The following UNC13A variants were observed in gnomAD, a reference collection of about 807,000 sequenced individuals.
The protein encoded by UNC13A is protein unc-13 homolog A.
In UNC13A, 61 loss-of-function variants were observed where a neutral mutation model predicts 219.7. The ratio of observed to expected loss-of-function variants is 0.28; its 90% CI spans 0.23 to 0.34. UNC13A has a LOEUF of 0.34. Ranked by LOEUF, UNC13A falls within the 10% of genes least tolerant of loss-of-function variation. The pLI, the probability that UNC13A is intolerant of heterozygous loss-of-function variation, is 1.00. For missense variants in UNC13A, 1,476 were observed against 2,270.3 expected (o/e 0.65, Z 7.11); for synonymous variants, 920 against 884.6 (o/e 1.04, Z -0.71).
At chr19:17,660,583 G>A (rs34290165) in intron 8 of UNC13A, among the ~76,000 whole-genome samples, 3,947 of 149,872 alleles carry the variant, frequency 0.026, 67 homozygotes, top group Middle Eastern at 0.041. Context: ...CCAGGCTGGA[G>A]TGCAATGGTA....
chr19:17,661,621 G>C (rs1384144645), intron 8 of UNC13A, among the ~76,000 whole-genome samples: 1 of 152,080 alleles, frequency 6.6e-6, no homozygotes, highest in Admixed American at 6.6e-5. Context: ...TTGAACCCGG[G>C]AGGTGGAGGT....
intron 16 of UNC13A, 66 bp downstream of exon 16, chr19:17,648,365 C>T (rs922612766): frequency 7.1e-7 from 1 of 1,409,110 alleles, no homozygotes; most frequent in African/African-American, 1.5e-5. Context: ...TCAGCCTTTC[C>T]CCGCCATGCA....
intron 1 of UNC13A, among the ~76,000 whole-genome samples, chr19:17,685,778 A>C (rs1013798914): frequency 6.6e-6 from 1 of 152,160 alleles, no homozygotes; most frequent in African/African-American, 2.4e-5. Flanking sequence ...AAGTCTGGGT[A>C]TGAATGTGTG....
At chr19:17,658,371 A>G in intron 8 of UNC13A, 102 bp from the exon 9 acceptor site, 1 of 1,130,724 alleles carries the variant, frequency 8.8e-7, no homozygotes, top group Admixed American at 2.0e-5. Context: ...ACCGAAGAAG[A>G]GAATTTTTTA....
At chr19:17,617,190 C>T (rs2076675405) in intron 41 of UNC13A, among the ~76,000 whole-genome samples, 1 of 152,092 alleles carries the variant, frequency 6.6e-6, no homozygotes, top group Admixed American at 6.6e-5. Flanking sequence ...CCAATCATTC[C>T]TTGACCCCTT....
chr19:17,642,045 C>T (rs2076976350), intron 20 of UNC13A, among the ~76,000 whole-genome samples: 1 of 152,058 alleles, frequency 6.6e-6, no homozygotes, highest in Admixed American at 6.6e-5. Flanking sequence ...TCCATCCATC[C>T]ATCCATCCAT....
intron 26 of UNC13A, among the ~76,000 whole-genome samples, chr19:17,634,110 C>T (rs1358935662): frequency 6.6e-6 from 1 of 152,110 alleles, no homozygotes; most frequent in Non-Finnish European, 1.5e-5. Flanking sequence ...GCCACCTACC[C>T]GTCTATCTGT....
chr19:17,668,435 G>T (rs1264331467), intron 5 of UNC13A, among the ~76,000 whole-genome samples: 1 of 152,098 alleles, frequency 6.6e-6, no homozygotes, highest in African/African-American at 2.4e-5. Context: ...ACAGGAGATG[G>T]TTCCTAGCCT....
At chr19:17,630,417 G>C in intron 29 of UNC13A, 129 bp from the exon 30 acceptor site, 1 of 1,437,314 alleles carries the variant, frequency 7.0e-7, no homozygotes, top group Non-Finnish European at 9.3e-7. Context: ...CAGAGGGCGA[G>C]GTAGACTTAG....
Position 17,669,547 on chromosome 19 carries a change from A to T in UNC13A, c.394+6T>A. Reference sequence around the variant, plus strand: ...CTGGGTGAAGGTCCCGGGCCCCTGTACTCACCTAAGGGTAGCTCAAAGCGC... The same window carrying T: ...CTGGGTGAAGGTCCCGGGCCCCTGTTCTCACCTAAGGGTAGCTCAAAGCGC... On this transcript the variant is annotated splice_donor_region_variant and intron_variant, in intron 5 of 43. Transcript: ENST00000519716. 6.2e-7 allele frequency: 1 copy of T among 1,613,104 alleles called. No individual in the cohort carries two copies. The highest frequency in any genetic ancestry group is 1.7e-5 in the Admixed American group (1 of 59,938).
At chr19:17,610,601 G>GA (rs370277856) in intron 42 of UNC13A, among the ~76,000 whole-genome samples, 22 of 152,300 alleles carry the variant, frequency 1.4e-4, no homozygotes, top group African/African-American at 4.3e-4. Context: ...TGAGGTGAGA[G>GA]AAAAAAATCA....
intron 9 of UNC13A, among the ~76,000 whole-genome samples, chr19:17,656,745 G>C (rs1192087499): frequency 6.6e-6 from 1 of 151,634 alleles, no homozygotes. Flanking sequence ...CCAGCTACTC[G>C]GGAGGCTGAG....
In UNC13A at chr19:17,648,906, A is replaced by C; in HGVS notation, c.1596+6T>G. The C allele has an allele frequency of 6.3e-7, 1 of 1,589,118 alleles. No homozygotes were observed. Among genetic ancestry groups the C allele is most frequent in the Middle Eastern group, 1.7e-4 (1 of 6,036 alleles). ...TGACCCGGGGAAAAAGAGGTGCCCC[A>C]CGCACCAGCTCCTCGTTGTTCAACG... On this transcript the variant is annotated splice_donor_region_variant and intron_variant, in intron 15 of 43. Transcript: ENST00000519716.
chr19:17,671,797 A>T (rs181095374), intron 4 of UNC13A, among the ~76,000 whole-genome samples: 1 of 152,090 alleles, frequency 6.6e-6, no homozygotes, highest in South Asian at 2.1e-4. Flanking sequence ...TAAATAAAAA[A>T]TAGACATCAC....
At position 17,627,439 on chromosome 19, in the gene UNC13A, A is replaced by T; in HGVS notation, c.3920+70T>A. ...TCACCTCTACATCTGCTGAGCCTCC[A>T]GATGCCCCAGGCTTAGAGGGCTGAA... On this transcript the variant is annotated intron_variant, in intron 33 of 43. Transcript: ENST00000519716. This position sits in a 1 kb window ranked among gnomAD's most constrained non-coding sequence, Gnocchi z 4.7. 2 of 1,232,862 alleles carry T rather than the reference A, an allele frequency of 1.6e-6. No individual in the cohort carries two copies. The highest frequency in any genetic ancestry group is 2.3e-6 in the Non-Finnish European group (2 of 862,336). The allele number at this position is 1,232,862 out of a possible 1,614,324, so 76.4% of individuals were successfully genotyped here.
intron 23 of UNC13A, 95 bp from the exon 24 acceptor site, chr19:17,639,620 A>G: frequency 3.6e-6 from 5 of 1,399,228 alleles, no homozygotes; most frequent in Non-Finnish European, 4.9e-6. Flanking sequence ...CCCCGGTTTC[A>G]GGCTGGGGGT....
At chr19:17,685,316 G>C (rs952779308) in intron 1 of UNC13A, among the ~76,000 whole-genome samples, 2 of 151,820 alleles carry the variant, frequency 1.3e-5, no homozygotes, top group African/African-American at 4.8e-5. Context: ...TCAGCCTCCC[G>C]AGTAGCTGAG....
At chr19:17,631,169 CCCTCCCTCCTTT>C (rs1568513085) in intron 28 of UNC13A, among the ~76,000 whole-genome samples, 25 of 20,630 alleles carry the variant, frequency 1.2e-3, no homozygotes, top group Non-Finnish European at 1.8e-3. Context: ...CTCCCTCCCT[CCCTCCCTCCTTT>C]CCTTCCTTCC....
rs1173420353 is a variant in UNC13A at position 17,611,990 on chromosome 19, G to A, written c.4559-135C>T. ...CCCTGATAGGGAGGCACTGATGGGGGGCCAGGATGGGAGGTGCTCTTGGGA... is the reference window on the plus strand; with the variant it reads ...CCCTGATAGGGAGGCACTGATGGGGAGCCAGGATGGGAGGTGCTCTTGGGA... On this transcript the variant is annotated intron_variant, in intron 41 of 43. Coordinates refer to ENST00000519716, the MANE Select transcript of UNC13A (RefSeq NM_001080421.3). 14 of 651,370 alleles carry A rather than the reference G, an allele frequency of 2.1e-5. No individual in the cohort carries two copies. The East Asian group carries it at 3.5e-4, about 16-fold the overall frequency. The allele number at this position is 651,370 out of a possible 1,614,324, so 40.3% of individuals were successfully genotyped here. A position where few individuals can be genotyped will look rare whatever the true frequency, so the allele number is the denominator to read the frequency against.
Sources: gnomAD v4.1 joint callset for allele counts (sites outside exome capture counted in the v4.1 genomes callset) on GRCh38, gnomAD v4.1.1 for gene constraint, Gnocchi (gnomAD v3.1) non-coding constraint, MANE v1.5 for transcripts, NCBI Gene and HGNC (gene_info 2026-07-23, HGNC 2026-07-21) for gene names.